Variants in ARNT2 observed in about 807,000 individuals in gnomAD.
ARNT2 encodes the protein ARNT protein 2.
Under a neutral mutation model 91.7 loss-of-function variants are expected in ARNT2, and 36 were observed. That is an observed-to-expected ratio of 0.39 (90% confidence interval 0.30 to 0.52). The LOEUF (loss-of-function observed/expected upper bound fraction) is 0.52, where lower values mean the gene tolerates loss of function less well. ARNT2 is among the 20% of genes least tolerant of loss of function. The pLI, the probability that ARNT2 is intolerant of heterozygous loss-of-function variation, is 0.72. For missense variants in ARNT2, 775 were observed against 939.3 expected, an observed-to-expected ratio of 0.83 and a Z score of 2.29; for synonymous variants, 365 against 347.1, an observed-to-expected ratio of 1.05 and a Z score of -0.57.
At chr15:80,589,326 G>C (rs377675740) in intron 17 of ARNT2, among the ~76,000 whole-genome samples, 1 of 152,232 alleles carries the variant, frequency 6.6e-6, no homozygotes, top group South Asian at 2.1e-4. Context: ...GGTTGAGAAG[G>C]GAGGGAAAGG....
At chr15:80,578,727 C>T (rs1319335970) in intron 15 of ARNT2, among the ~76,000 whole-genome samples, 1 of 152,006 alleles carries the variant, frequency 6.6e-6, no homozygotes, top group Admixed American at 6.5e-5. Context: ...CGTCCGAACA[C>T]CTGTGCAGAG....
At chr15:80,424,576 C>T (rs1256541543) in intron 1 of ARNT2, among the ~76,000 whole-genome samples, 2 of 152,140 alleles carry the variant, frequency 1.3e-5, no homozygotes, top group African/African-American at 4.8e-5. Flanking sequence ...TGGTATTGCC[C>T]ATGTCCCACT....
rs574656209 is a variant in ARNT2 at position 80,580,067 on chromosome 15, TTCTC to T, written c.1614-340_1614-337del. ...GGGACTGATTTTTATTCTAAGAAGC[TTCTC>T]TCTTTCTGGGAACCAAATCATCTGC... is the stretch of plus-strand genomic sequence containing the variant. On this transcript the variant is annotated intron_variant, in intron 15 of 18. Coordinates refer to ENST00000303329, the MANE Select transcript of ARNT2 (RefSeq NM_014862.4). 3.0e-3 allele frequency: 621 copies of T among 206,220 alleles called. 3 individuals carry two copies. The highest frequency in any genetic ancestry group is 0.012 in the African/African-American group (548 of 44,640). 12.8% of individuals were successfully genotyped at this position (206,220 alleles called of 1,614,324 possible). A position where few individuals can be genotyped will look rare whatever the true frequency, so the allele number is the denominator to read the frequency against.
At chr15:80,448,003 A>G (rs1896330226) in intron 1 of ARNT2, among the ~76,000 whole-genome samples, 3 of 152,206 alleles carry the variant, frequency 2.0e-5, no homozygotes, top group African/African-American at 7.2e-5. Flanking sequence ...TTCCAGTTAA[A>G]TGCAAGGCTC....
At chr15:80,569,361 G>C (rs889329020) in intron 12 of ARNT2, among the ~76,000 whole-genome samples, 1 of 152,192 alleles carries the variant, frequency 6.6e-6, no homozygotes, top group Non-Finnish European at 1.5e-5. Flanking sequence ...CACTTCCCTC[G>C]CATGTGCTGT....
chr15:80,419,987 G>A (rs1895839096), intron 1 of ARNT2, among the ~76,000 whole-genome samples: 1 of 152,072 alleles, frequency 6.6e-6, no homozygotes, highest in South Asian at 2.1e-4. Context: ...GGAGCCTGGG[G>A]CAATGGGAGG....
In ARNT2 at chr15:80,499,948, C is replaced by T. The variant is rs377728188; in HGVS notation, c.623-8208C>T. Among the ~76,000 whole-genome samples the T allele has an allele frequency of 7.9e-5, 12 of 152,256 alleles. No homozygotes were observed. In the East Asian group the frequency reaches 1.4e-3, roughly 17 times the overall value. ...CAACTCTACTGCCCATTCAGAGCTC[C>T]CTCTTCTCGTTTGGGAAGAAAATGG... is the stretch of plus-strand genomic sequence containing the variant. On this transcript the variant is annotated intron_variant, in intron 5 of 18. Coordinates refer to ENST00000303329, the MANE Select transcript of ARNT2 (RefSeq NM_014862.4).
At position 80,580,499 on chromosome 15, in the gene ARNT2, AAC is replaced by A; in HGVS notation, c.1703_1704del (p.Asn568ThrfsTer73). 1 of 1,614,040 alleles carries A rather than the reference AAC, an allele frequency of 6.2e-7. No homozygotes were observed. Among genetic ancestry groups the A allele is most frequent in the East Asian group, 2.2e-5 (1 of 44,898 alleles). On this transcript the variant is annotated frameshift_variant, in exon 16 of 19. Transcript: ENST00000303329. LOFTEE classifies it high-confidence loss of function. ...CATGTCCCAAATCTCCCGGCAGCTAAACCAGAGTCAGGTGGCATGGACAGGGA... is the reference window on the plus strand; with the variant it reads ...CATGTCCCAAATCTCCCGGCAGCTAACAGAGTCAGGTGGCATGGACAGGGA... ...QNMSQISRQLNQSQVAWTGSR... is the reference protein window; with the variant it reads ...QNMSQISRQLXQSQVAWTGSR...
intron 3 of ARNT2, among the ~76,000 whole-genome samples, chr15:80,458,308 C>T (rs1263241034): frequency 6.6e-6 from 1 of 151,928 alleles, no homozygotes; most frequent in Non-Finnish European, 1.5e-5. Flanking sequence ...AAAAAGGAAT[C>T]TATTAAAATT....
intron 18 of ARNT2, 74 bp from the exon 19 acceptor site, chr15:80,593,526 G>T (rs767332545): frequency 1.0e-5 from 13 of 1,252,428 alleles, no homozygotes; most frequent in Non-Finnish European, 1.5e-5. Flanking sequence ...GTGCAGACTG[G>T]GCTCCTGGGA....
intron 8 of ARNT2, among the ~76,000 whole-genome samples, chr15:80,546,414 G>A (rs1422336845): frequency 1.3e-5 from 2 of 152,220 alleles, no homozygotes; most frequent in Non-Finnish European, 2.9e-5. Flanking sequence ...TAATGGAGCA[G>A]GCACATTGCC....
intron 1 of ARNT2, among the ~76,000 whole-genome samples, chr15:80,431,608 CTTA>C: frequency 6.6e-6 from 1 of 152,304 alleles, no homozygotes; most frequent in East Asian, 1.9e-4. Flanking sequence ...AATAGGGGTC[CTTA>C]CAGACAGGCC....
chr15:80,560,792 T>C (rs1328349991), intron 11 of ARNT2, among the ~76,000 whole-genome samples: 3 of 152,178 alleles, frequency 2.0e-5, no homozygotes, highest in Non-Finnish European at 2.9e-5. Context: ...CAGGTTGCTG[T>C]TGGGGCCGCA....
chr15:80,448,897 A>G (rs1011854733), intron 1 of ARNT2, among the ~76,000 whole-genome samples: 1 of 152,176 alleles, frequency 6.6e-6, no homozygotes, highest in Admixed American at 6.5e-5. Context: ...AGGCAGGAGA[A>G]TGGCGTGAAC....
Position 80,593,874 on chromosome 15 carries a change from GGCT to G in ARNT2, c.*180_*182del. On this transcript the variant is annotated 3_prime_UTR_variant, in exon 19 of 19. Transcript: ENST00000303329. ...TTGCTCCACTCTCCCCTGCAGCCGC[GGCT>G]GCTCGGCCACTGACCAGGGGCCCTG... 1 of 603,616 alleles carries G rather than the reference GGCT, an allele frequency of 1.7e-6. No individual in the cohort carries two copies. The highest frequency in any genetic ancestry group is 2.9e-5 in the Admixed American group (1 of 34,830). 37.4% of individuals were successfully genotyped at this position (603,616 alleles called of 1,614,324 possible).
chr15:80,514,466 G>A, intron 8 of ARNT2, 61 bp downstream of exon 8: 1 of 1,424,508 alleles, frequency 7.0e-7, no homozygotes, highest in Non-Finnish European at 9.9e-7. Context: ...TGACCATGGT[G>A]TCCTGTTAGA....
chr15:80,572,120 A>T (rs1395787114), intron 12 of ARNT2, among the ~76,000 whole-genome samples: 1 of 151,738 alleles, frequency 6.6e-6, no homozygotes, highest in Non-Finnish European at 1.5e-5. Flanking sequence ...GCGGAAAGGG[A>T]ATTAAAAAAA....
chr15:80,560,680 C>G (rs2141464870), intron 11 of ARNT2, among the ~76,000 whole-genome samples: 1 of 152,348 alleles, frequency 6.6e-6, no homozygotes, highest in South Asian at 2.1e-4. Context: ...TGGACAGTGA[C>G]TCCCTATGTC....
chr15:80,405,342 A>C (rs1170777712), intron 1 of ARNT2, among the ~76,000 whole-genome samples: 3 of 152,176 alleles, frequency 2.0e-5, no homozygotes. Context: ...AAACGTGAAC[A>C]TCTAAGCTAG....
Sources: allele counts gnomAD v4.1 joint callset (sites outside exome capture counted in the v4.1 genomes callset), GRCh38; gene constraint gnomAD v4.1.1; transcripts MANE v1.5; gene names NCBI Gene and HGNC (gene_info 2026-07-23, HGNC 2026-07-21).